CREB5: variants seen among roughly 807,000 people sequenced by gnomAD.
The protein encoded by CREB5 is cyclic AMP-responsive element-binding protein 5.
Under a neutral mutation model 57.1 loss-of-function variants are expected in CREB5, and 19 were observed. The ratio of observed to expected loss-of-function variants is 0.33; its 90% confidence interval spans 0.23 to 0.49. The LOEUF is 0.49. CREB5 is among the 20% of genes least tolerant of loss of function. CREB5 has a pLI of 0.99. For synonymous variants in CREB5, 238 were observed against 238.3 expected, an observed-to-expected ratio of 1.00 and a Z score of 0.01; for missense variants, 579 against 671.6, an observed-to-expected ratio of 0.86 and a Z score of 1.52.
At chr7:28,560,849 T>TGCGTGCGCGCGCGTGCGTGCGTGCGC (rs1342485250) in intron 4 of CREB5, among the ~76,000 whole-genome samples, 1 of 87,054 alleles carries the variant, frequency 1.1e-5, no homozygotes, top group Non-Finnish European at 2.3e-5. Flanking sequence ...TGTGTGCGCG[T>TGCGTGCGCGCGCGTGCGTGCGTGCGC]GTGTGTGTGC....
At chr7:28,684,228 C>A (rs761000178) in intron 5 of CREB5, among the ~76,000 whole-genome samples, 5 of 152,136 alleles carry the variant, frequency 3.3e-5, no homozygotes, top group Admixed American at 2.0e-4. Flanking sequence ...TTATACAGGC[C>A]ACTGACATGG....
chr7:28,804,594 C>A, intron 8 of CREB5, 72 bp downstream of exon 8: 2 of 1,531,976 alleles, frequency 1.3e-6, no homozygotes, highest in Non-Finnish European at 1.8e-6. Flanking sequence ...ATGCTGGGGT[C>A]ATTTGCAGCA....
intron 1 of CREB5, among the ~76,000 whole-genome samples, chr7:28,313,002 A>T (rs557623350): frequency 2.9e-4 from 44 of 152,338 alleles, no homozygotes; most frequent in Non-Finnish European, 5.3e-4. Flanking sequence ...TCCCTGCAGT[A>T]TTCTTGACCA....
At chr7:28,819,069 A>G (rs766432900) in intron 10 of CREB5, 47 bp from the exon 11 acceptor site, 2 of 1,571,074 alleles carry the variant, frequency 1.3e-6, no homozygotes, top group Non-Finnish European at 1.7e-6. Context: ...AAAGACCTAT[A>G]TTGGTGTGTG....
chr7:28,689,014 A>G (rs1300804383), intron 5 of CREB5, among the ~76,000 whole-genome samples: 1 of 152,154 alleles, frequency 6.6e-6, no homozygotes, highest in Non-Finnish European at 1.5e-5. Flanking sequence ...TTGCACTTAC[A>G]TGATCTCAGC....
intron 1 of CREB5, among the ~76,000 whole-genome samples, chr7:28,336,839 A>G (rs1396587535): frequency 1.3e-5 from 2 of 152,052 alleles, no homozygotes; most frequent in African/African-American, 4.8e-5. Flanking sequence ...ACAGCTATAA[A>G]GTTCCCTCTT....
intron 5 of CREB5, among the ~76,000 whole-genome samples, chr7:28,610,993 C>T (rs1197193535): frequency 2.0e-5 from 3 of 151,814 alleles, no homozygotes; most frequent in African/African-American, 7.3e-5. Flanking sequence ...TGTGAGTCCC[C>T]AGCTTTTCCC....
chr7:28,391,950 T>A (rs887541539), intron 1 of CREB5, among the ~76,000 whole-genome samples: 2 of 152,114 alleles, frequency 1.3e-5, no homozygotes, highest in Non-Finnish European at 2.9e-5. Context: ...GGGAATTTTT[T>A]CACAAAATCC....
chr7:28,449,145 T>C (rs891939172), intron 1 of CREB5, among the ~76,000 whole-genome samples: 1 of 152,212 alleles, frequency 6.6e-6, no homozygotes, highest in Non-Finnish European at 1.5e-5. Context: ...GCCAAAGAAC[T>C]TAAGTTAAAT....
intron 1 of CREB5, among the ~76,000 whole-genome samples, chr7:28,388,228 A>T (rs1583413911): frequency 6.6e-6 from 1 of 152,150 alleles, no homozygotes; most frequent in Admixed American, 6.6e-5. Context: ...TTAATGCCAG[A>T]CCTTTGAGGG....
chr7:28,484,650 C>A (rs1245476334), intron 1 of CREB5, among the ~76,000 whole-genome samples: 1 of 152,160 alleles, frequency 6.6e-6, no homozygotes, highest in Non-Finnish European at 1.5e-5. Context: ...TCCATGGGAT[C>A]CGTGGCATGT....
chr7:28,770,048 C>T (rs1301086811), intron 7 of CREB5, among the ~76,000 whole-genome samples: 1 of 152,234 alleles, frequency 6.6e-6, no homozygotes, highest in African/African-American at 2.4e-5. Context: ...GGAGCCTGAG[C>T]TCAGAGTGGA....
In CREB5 at chr7:28,797,807, AT is replaced by A. The variant is rs534852184; in HGVS notation, c.703-6391del. Among the ~76,000 whole-genome samples the A allele has an allele frequency of 2.0e-5, 3 of 152,344 alleles. No individual in the cohort carries two copies. The South Asian group carries it at 6.2e-4, about 32-fold the overall frequency. On this transcript the variant is annotated intron_variant, in intron 7 of 10. Coordinates refer to ENST00000357727, the MANE Select transcript of CREB5 (RefSeq NM_182898.4). ...TAGTAATTCAGAAAGAATTTCAGAA[AT>A]CTTTGATACCTAGAGGAAGTTGGTA...
intron 7 of CREB5, among the ~76,000 whole-genome samples, chr7:28,735,808 T>G (rs1233267592): frequency 2.0e-5 from 3 of 151,730 alleles, no homozygotes; most frequent in Non-Finnish European, 4.4e-5. Flanking sequence ...GCTTCCTCTC[T>G]CTCTCTTTTT....
intron 5 of CREB5, among the ~76,000 whole-genome samples, chr7:28,631,093 G>A (rs369722703): frequency 1.3e-5 from 2 of 152,266 alleles, no homozygotes; most frequent in South Asian, 2.1e-4. Context: ...ACTCAGAGAC[G>A]TACGGAAACT....
At chr7:28,674,904 C>T (rs993156976) in intron 5 of CREB5, among the ~76,000 whole-genome samples, 1 of 152,236 alleles carries the variant, frequency 6.6e-6, no homozygotes, top group African/African-American at 2.4e-5. Flanking sequence ...TAGTGACTTG[C>T]AATACTCCAC....
At chr7:28,741,174 C>T (rs183969577) in intron 7 of CREB5, among the ~76,000 whole-genome samples, 18 of 152,220 alleles carry the variant, frequency 1.2e-4, no homozygotes, top group African/African-American at 3.4e-4. Context: ...CCTCCGTGCG[C>T]ACTCATGGGT....
intron 1 of CREB5, among the ~76,000 whole-genome samples, chr7:28,319,250 GA>G (rs1785442451): frequency 6.6e-6 from 1 of 152,098 alleles, no homozygotes; most frequent in Non-Finnish European, 1.5e-5. Context: ...AAGGGCAACT[GA>G]AAAACTCACT....
At chr7:28,656,744 C>A (rs1263224971) in intron 5 of CREB5, among the ~76,000 whole-genome samples, 1 of 152,172 alleles carries the variant, frequency 6.6e-6, no homozygotes, top group African/African-American at 2.4e-5. Context: ...TTTCATGCAT[C>A]TCGAGAGTTG....
Sources: allele counts gnomAD v4.1 joint callset (sites outside exome capture counted in the v4.1 genomes callset), GRCh38; gene constraint gnomAD v4.1.1; transcripts MANE v1.5; gene names NCBI Gene and HGNC (gene_info 2026-07-23, HGNC 2026-07-21).